LIPA: variants seen among roughly 807,000 people sequenced by gnomAD.
LIPA encodes the protein lysosomal acid lipase/cholesteryl ester hydrolase.
LIPA carries 26 observed loss-of-function variants against 40.6 expected under a neutral mutation model. The ratio of observed to expected loss-of-function variants is 0.64; its 90% confidence interval spans 0.47 to 0.89. LIPA has a LOEUF of 0.89. Ranked by LOEUF, LIPA falls within the 40% of genes least tolerant of loss-of-function variation. The probability of loss-of-function intolerance (pLI) is 0.00; values close to 1 mark genes in which losing one functional copy is unlikely to be tolerated. For synonymous variants in LIPA, 188 were observed against 168.4 expected (o/e 1.12, Z -0.90); for missense variants, 455 against 479.6 (o/e 0.95, Z 0.48).
At chr10:89,369,477 G>C (rs1017505518) in intron 2 of LIPA, among the ~76,000 whole-genome samples, 1 of 149,116 alleles carries the variant, frequency 6.7e-6, no homozygotes, top group Non-Finnish European at 1.5e-5. Context: ...GCCAAGAAGC[G>C]GTCTCTCTCC....
At chr10:89,248,231 G>A (rs561013610) in intron 1 of LIPA, among the ~76,000 whole-genome samples, 95 of 149,354 alleles carry the variant, frequency 6.4e-4, no homozygotes, top group African/African-American at 2.0e-3. Flanking sequence ...GCACAATCTC[G>A]GCTCACCACA....
At chr10:89,261,032 C>T (rs1263551004) in intron 1 of LIPA, among the ~76,000 whole-genome samples, 1 of 152,182 alleles carries the variant, frequency 6.6e-6, no homozygotes, top group African/African-American at 2.4e-5. Flanking sequence ...GTCTAAGGGT[C>T]TTTAATTTCC....
chr10:89,265,413 G>A lies in LIPA; in HGVS notation c.-1-17764C>T, dbSNP rs562189833. On this transcript the variant is annotated intron_variant, in intron 1 of 5. Transcript: ENST00000282673. ...CTCCCCTGGTGCAGCTGGCGTCTTC[G>A]CAGAGGCCACTCCAGATGGGCCGCT... Among the ~76,000 whole-genome samples the A allele has an allele frequency of 1.2e-4, 18 of 152,272 alleles. No individual in the cohort carries two copies. In the South Asian group the frequency reaches 1.9e-3, roughly 16 times the overall value.
chr10:89,402,480 G>A (rs779870747), intron 2 of LIPA: 2 of 1,614,102 alleles, frequency 1.2e-6, no homozygotes, highest in African/African-American at 1.3e-5. Context: ...AGGCCAGAAT[G>A]AGGAAGCCCT....
At chr10:89,379,955 A>C (rs1170119688) in intron 2 of LIPA, among the ~76,000 whole-genome samples, 1 of 152,030 alleles carries the variant, frequency 6.6e-6, no homozygotes, top group African/African-American at 2.4e-5. Flanking sequence ...GAATGGCGTG[A>C]ACCTGGGAGG....
At chr10:89,347,091 T>C (rs1341265319), upstream of LIPA, among the ~76,000 whole-genome samples, 1 of 152,246 alleles carries the variant, frequency 6.6e-6, no homozygotes, top group Non-Finnish European at 1.5e-5. Context: ...ATTCAACATA[T>C]GGTCATACTC....
At chr10:89,386,492 C>G (rs572129084) in intron 2 of LIPA, among the ~76,000 whole-genome samples, 164 of 152,346 alleles carry the variant, frequency 1.1e-3, no homozygotes, top group Admixed American at 1.8e-3. Flanking sequence ...GATTCAGGCT[C>G]ACCTGGCCTC....
At chr10:89,319,356 GCAATTAAAAAT>G (rs1843558589) in intron 1 of LIPA, among the ~76,000 whole-genome samples, 1 of 152,056 alleles carries the variant, frequency 6.6e-6, no homozygotes, top group African/African-American at 2.4e-5. Flanking sequence ...TCAAATAGAT[GCAATTAAAAAT>G]GATAAAGGGG....
At chr10:89,317,881 C>T (rs1843549758) in intron 1 of LIPA, among the ~76,000 whole-genome samples, 1 of 152,168 alleles carries the variant, frequency 6.6e-6, no homozygotes, top group Admixed American at 6.5e-5. Context: ...GGCAGAAACT[C>T]TACAAGCCAG....
chr10:89,303,800 A>T (rs1344891743), intron 1 of LIPA, among the ~76,000 whole-genome samples: 1 of 152,218 alleles, frequency 6.6e-6, no homozygotes, highest in Non-Finnish European at 1.5e-5. Context: ...CTCAACTGGA[A>T]GTTGGAAATA....
chr10:89,411,076 C>T (rs1480402485), intron 2 of LIPA, among the ~76,000 whole-genome samples: 5 of 152,222 alleles, frequency 3.3e-5, no homozygotes, highest in Non-Finnish European at 7.3e-5. Context: ...TATAACACTC[C>T]AATACCACCT....
intron 1 of LIPA, among the ~76,000 whole-genome samples, chr10:89,321,409 G>T (rs1274008029): frequency 2.0e-5 from 3 of 152,154 alleles, no homozygotes; most frequent in East Asian, 1.9e-4. Context: ...AGTGGGCAAA[G>T]GCTATGAATG....
At chr10:89,221,220 AT>A (rs141227547) in intron 8 of LIPA, among the ~76,000 whole-genome samples, 5 of 151,344 alleles carry the variant, frequency 3.3e-5, no homozygotes, top group South Asian at 4.2e-4. Context: ...TCAATAAAAA[AT>A]TTTTTTTTAA....
intron 1 of LIPA, among the ~76,000 whole-genome samples, chr10:89,257,812 G>A (rs999912671): frequency 1.3e-5 from 2 of 152,248 alleles, no homozygotes; most frequent in Non-Finnish European, 2.9e-5. Context: ...GGAGCAGAGA[G>A]AGCTGAAGAG....
upstream of LIPA, among the ~76,000 whole-genome samples, chr10:89,347,490 C>A (rs1480112304): frequency 6.6e-6 from 1 of 152,210 alleles, no homozygotes; most frequent in Non-Finnish European, 1.5e-5. Flanking sequence ...CAAGGGCCAA[C>A]CTTGCAAGCA....
At chr10:89,391,683 C>T (rs976963555) in intron 2 of LIPA, among the ~76,000 whole-genome samples, 23 of 152,052 alleles carry the variant, frequency 1.5e-4, no homozygotes, top group African/African-American at 5.6e-4. Context: ...GTGCACACCA[C>T]CACACCCAGC....
intron 1 of LIPA, among the ~76,000 whole-genome samples, chr10:89,257,059 G>T (rs558782812): frequency 1.3e-5 from 2 of 152,198 alleles, no homozygotes; most frequent in Non-Finnish European, 2.9e-5. Context: ...AAATGAGAAA[G>T]AATAAATAAG....
At chr10:89,331,715 C>T (rs1843653096) in intron 1 of LIPA, among the ~76,000 whole-genome samples, 1 of 151,748 alleles carries the variant, frequency 6.6e-6, no homozygotes. Context: ...AAAAATCAGC[C>T]AGGCGTGGTG....
chr10:89,377,029 T>G (rs1361684045), intron 2 of LIPA, among the ~76,000 whole-genome samples: 1 of 152,244 alleles, frequency 6.6e-6, no homozygotes, highest in Non-Finnish European at 1.5e-5. Flanking sequence ...CTTATCTTGG[T>G]GCACTACCCC....
Sources: gnomAD v4.1 joint callset for allele counts (sites outside exome capture counted in the v4.1 genomes callset) on GRCh38, gnomAD v4.1.1 for gene constraint, MANE v1.5 for transcripts, NCBI Gene and HGNC (gene_info 2026-07-23, HGNC 2026-07-21) for gene names.